Variants in REG4 observed in about 807,000 individuals in gnomAD.
REG4 encodes regenerating family member 4.
REG4 carries 16 observed loss-of-function variants against 22.3 expected under a neutral mutation model. That is an observed-to-expected ratio of 0.72 (90% confidence interval 0.49 to 1.09). The LOEUF is 1.09. REG4 is among the 50% of genes least tolerant of loss of function. The pLI is 0.00. For missense variants in REG4, 214 were observed against 193.9 expected, an observed-to-expected ratio of 1.10 and a Z score of -0.61; for synonymous variants, 71 against 69.2, an observed-to-expected ratio of 1.03 and a Z score of -0.13.
intron 3 of REG4, among the ~76,000 whole-genome samples, chr1:119,800,970 G>A (rs1233510681): frequency 6.6e-6 from 1 of 152,094 alleles, no homozygotes; most frequent in African/African-American, 2.4e-5. Context: ...TCTGCATATC[G>A]ATCCCCAATT....
Position 119,806,080 on chromosome 1 carries a change from C to G in REG4, c.67+2623G>C, listed in dbSNP as rs587676284. ...CTGAGTAGCTGGGACTACAGGCGAG[C>G]ACCACTGTACCAGGCTAGTTTTTTG... On this transcript the variant is annotated intron_variant, in intron 2 of 5. Transcript: ENST00000256585. 2.0e-5 allele frequency among the ~76,000 whole-genome samples: 3 copies of G among 152,250 alleles called. No individual in the cohort carries two copies. The South Asian group carries it at 6.2e-4, about 32-fold the overall frequency.
chr1:119,805,936 G>A (rs587655656), intron 2 of REG4, among the ~76,000 whole-genome samples: 231 of 152,060 alleles, frequency 1.5e-3, no homozygotes, highest in African/African-American at 5.1e-3. Flanking sequence ...GCTCTGCTGC[G>A]CTATGGCTCT....
At chr1:119,806,425 T>G (rs1654321888) in intron 2 of REG4, among the ~76,000 whole-genome samples, 1 of 152,224 alleles carries the variant, frequency 6.6e-6, no homozygotes, top group African/African-American at 2.4e-5. Flanking sequence ...AGGTAAGATT[T>G]GACCCCAGAC....
chr1:119,803,982 T>C (rs1333220258), intron 2 of REG4, among the ~76,000 whole-genome samples: 4 of 152,160 alleles, frequency 2.6e-5, no homozygotes, highest in East Asian at 1.9e-4. Context: ...GAATCCATGA[T>C]TCAGGGAGGC....
At chr1:119,796,648 C>G (rs1653945924) in intron 5 of REG4, among the ~76,000 whole-genome samples, 2 of 152,188 alleles carry the variant, frequency 1.3e-5, no homozygotes, top group Admixed American at 1.3e-4. Context: ...CTACCTTCCA[C>G]CAGTTTCTCT....
At chr1:119,804,934 G>A (rs1313460869) in intron 2 of REG4, among the ~76,000 whole-genome samples, 1 of 152,040 alleles carries the variant, frequency 6.6e-6, no homozygotes. Context: ...CATGTTAGGT[G>A]TTTTATCCAT....
At chr1:119,802,947 A>G (rs1300721436) in intron 3 of REG4, 121 bp downstream of exon 3, 3 of 1,565,982 alleles carry the variant, frequency 1.9e-6, no homozygotes, top group Non-Finnish European at 2.6e-6. Context: ...TTCACCAGCC[A>G]AAGGGGCTTC....
chr1:119,810,551 C>A (rs906760796), intron 1 of REG4, among the ~76,000 whole-genome samples: 4 of 152,140 alleles, frequency 2.6e-5, no homozygotes, highest in African/African-American at 9.7e-5. Context: ...CTTTTTAAAT[C>A]ATTGCGTGAA....
intron 1 of REG4, among the ~76,000 whole-genome samples, chr1:119,809,787 T>C (rs1654438959): frequency 6.6e-6 from 1 of 152,210 alleles, no homozygotes; most frequent in Admixed American, 6.5e-5. Flanking sequence ...GATATTTACC[T>C]CATTAATAGG....
chr1:119,807,331 G>C (rs1336969654), intron 2 of REG4, among the ~76,000 whole-genome samples: 1 of 152,240 alleles, frequency 6.6e-6, no homozygotes, highest in Non-Finnish European at 1.5e-5. Context: ...TAAGTAGAAT[G>C]TCCTTCTGCA....
At position 119,794,389 on chromosome 1, in the gene REG4, A is replaced by C; in HGVS notation, c.*229T>G. 2 of 613,522 alleles carry C rather than the reference A, an allele frequency of 3.3e-6. No individual in the cohort carries two copies. Among genetic ancestry groups the C allele is most frequent in the Non-Finnish European group, 6.0e-6 (2 of 335,012 alleles). The allele number at this position is 613,522 out of a possible 1,614,324, so 38.0% of individuals were successfully genotyped here. A position where few individuals can be genotyped will look rare whatever the true frequency, so the allele number is the denominator to read the frequency against. On this transcript the variant is annotated 3_prime_UTR_variant, in exon 6 of 6. Coordinates refer to ENST00000256585, the MANE Select transcript of REG4 (RefSeq NM_032044.4). ...ACAGCCAGAGACAGGGGAGGAGGGA[A>C]GAAGGATACTGTGGAAAGGGATGGC...
In REG4 at chr1:119,798,534, A is replaced by G. The variant is rs748837350; in HGVS notation, c.372T>C (p.Gly124=). 2 of 1,614,172 alleles carry G rather than the reference A, an allele frequency of 1.2e-6. No individual in the cohort carries two copies. The highest frequency in any genetic ancestry group is 1.7e-5 in the Admixed American group (1 of 60,028). The change falls in exon 5 of 6, where the codon GGT becomes GGC. Residue 124 remains glycine (G), a synonymous_variant. Transcript: ENST00000256585. ...LYRSWSGKSM[G]GNKHCAEMSS... ...TCATCTCAGCACAGTGCTTGTTCCC[A>G]CCCATGGACTTGCCAGACCAGGATC...
At chr1:119,805,597 C>T (rs1009582008) in intron 2 of REG4, among the ~76,000 whole-genome samples, 1 of 151,534 alleles carries the variant, frequency 6.6e-6, no homozygotes, top group Non-Finnish European at 1.5e-5. Context: ...TCTCTCTTCT[C>T]TTTCTCCCCT....
intron 5 of REG4, among the ~76,000 whole-genome samples, 171 bp from the exon 6 acceptor site, chr1:119,794,856 T>C (rs1571060463): frequency 6.6e-6 from 1 of 152,222 alleles, no homozygotes; most frequent in East Asian, 1.9e-4. Context: ...AAGGTGTTTT[T>C]TAGCTGTGAT....
At position 119,799,686 on chromosome 1, in the gene REG4, C is replaced by T. The variant is rs766674786; in HGVS notation, c.303+39G>A. Reference sequence around the variant, plus strand: ...CCCCAAAAAGAGGATGCCAGCCTGGCTTTCCCAAGAGGGCCTTTGTGGCCA... The same window carrying T: ...CCCCAAAAAGAGGATGCCAGCCTGGTTTTCCCAAGAGGGCCTTTGTGGCCA... On this transcript the variant is annotated intron_variant, in intron 4 of 5. Coordinates refer to ENST00000256585, the MANE Select transcript of REG4 (RefSeq NM_032044.4). 4 of 1,599,800 alleles carry T rather than the reference C, an allele frequency of 2.5e-6. No homozygotes were observed. In the South Asian group the frequency reaches 3.3e-5, roughly 13 times the overall value.
At chr1:119,803,259 A>T in intron 2 of REG4, 94 bp from the exon 3 acceptor site, 1 of 1,311,238 alleles carries the variant, frequency 7.6e-7, no homozygotes, top group South Asian at 1.7e-5. Context: ...CCCTTGAATG[A>T]AGAGAGTCCC....
chr1:119,794,713 T>A, intron 5 of REG4, 28 bp from the exon 6 acceptor site: 1 of 1,600,998 alleles, frequency 6.2e-7, no homozygotes, highest in Non-Finnish European at 8.6e-7. Flanking sequence ...GATATTTAAA[T>A]CCATTCAGTA....
intron 5 of REG4, among the ~76,000 whole-genome samples, chr1:119,796,969 A>G (rs769460936): frequency 7.9e-5 from 12 of 152,252 alleles, no homozygotes; most frequent in Non-Finnish European, 1.8e-4. Context: ...TCTGGCCTCC[A>G]GTCCCAGAAA....
chr1:119,802,923 C>G (rs1308728490), intron 3 of REG4, 145 bp downstream of exon 3: 2 of 1,558,456 alleles, frequency 1.3e-6, no homozygotes, highest in East Asian at 2.4e-5. Context: ...AACACACAAC[C>G]CTCTTCTCTC....
Sources: gnomAD v4.1 joint callset for allele counts (sites outside exome capture counted in the v4.1 genomes callset) on GRCh38, gnomAD v4.1.1 for gene constraint, MANE v1.5 for transcripts, NCBI Gene and HGNC (gene_info 2026-07-23, HGNC 2026-07-21) for gene names.